ANKFN1: variants seen among roughly 807,000 people sequenced by gnomAD.
ANKFN1 encodes ankyrin repeat and fibronectin type-III domain-containing protein 1.
Under a neutral mutation model 108.7 loss-of-function variants are expected in ANKFN1, and 74 were observed. The ratio of observed to expected loss-of-function variants is 0.68; its 90% confidence interval spans 0.56 to 0.83. ANKFN1 has a LOEUF of 0.83. Ranked by LOEUF, ANKFN1 falls within the 40% of genes least tolerant of loss-of-function variation. ANKFN1 has a pLI of 0.00. For missense variants in ANKFN1, 1,505 were observed against 1,382.3 expected (o/e 1.09, Z -1.41); for synonymous variants, 547 against 516.2 (o/e 1.06, Z -0.81).
At chr17:56,475,500 T>C (rs1372149091) in intron 15 of ANKFN1, among the ~76,000 whole-genome samples, 1 of 152,208 alleles carries the variant, frequency 6.6e-6, no homozygotes, top group Non-Finnish European at 1.5e-5. Context: ...GATCCCATAC[T>C]TTTCCATTCC....
At chr17:56,198,059 T>C (rs747356814) in intron 1 of ANKFN1, among the ~76,000 whole-genome samples, 1 of 152,204 alleles carries the variant, frequency 6.6e-6, no homozygotes, top group Non-Finnish European at 1.5e-5. Flanking sequence ...GGATCTAAGT[T>C]GCACATTCCT....
At chr17:56,477,885 T>C (rs549672693) in intron 16 of ANKFN1, among the ~76,000 whole-genome samples, 5 of 152,234 alleles carry the variant, frequency 3.3e-5, no homozygotes, top group East Asian at 3.9e-4. Flanking sequence ...TGGAGTACAA[T>C]GGCGCAATAT....
At chr17:56,252,081 C>T (rs1329910276) in intron 3 of ANKFN1, 1 of 152,240 alleles carries the variant, frequency 6.6e-6, no homozygotes, top group African/African-American at 2.4e-5. Flanking sequence ...AATGGAGGAT[C>T]ATAAGCTAGC....
intron 18 of ANKFN1, among the ~76,000 whole-genome samples, chr17:56,484,727 A>G (rs1233873680): frequency 2.0e-5 from 3 of 152,224 alleles, no homozygotes; most frequent in Non-Finnish European, 2.9e-5. Context: ...TCCCAGGGAT[A>G]TATAATTGAC....
intron 4 of ANKFN1, among the ~76,000 whole-genome samples, chr17:56,078,769 G>A (rs1243211029): frequency 2.0e-5 from 3 of 152,198 alleles, no homozygotes; most frequent in African/African-American, 7.2e-5. Context: ...TCACTCAGCA[G>A]TGGTTCTCTC....
intron 4 of ANKFN1, among the ~76,000 whole-genome samples, chr17:56,111,959 A>G (rs1165324869): frequency 1.3e-5 from 2 of 152,198 alleles, no homozygotes; most frequent in African/African-American, 4.8e-5. Flanking sequence ...GTCTGAATCA[A>G]GAGTATGTTG....
intron 4 of ANKFN1, among the ~76,000 whole-genome samples, chr17:56,143,987 G>A (rs945073908): frequency 1.3e-5 from 2 of 152,008 alleles, no homozygotes; most frequent in Non-Finnish European, 2.9e-5. Flanking sequence ...CCAAGTGTGT[G>A]ATAATCTGCT....
intron 3 of ANKFN1, among the ~76,000 whole-genome samples, chr17:56,259,056 C>T (rs912631661): frequency 8.5e-5 from 13 of 152,108 alleles, no homozygotes; most frequent in Non-Finnish European, 1.5e-4. Flanking sequence ...GACACTGTGA[C>T]GTGGAGTATC....
At chr17:56,470,053 C>T (rs1358291606) in intron 15 of ANKFN1, among the ~76,000 whole-genome samples, 1 of 152,132 alleles carries the variant, frequency 6.6e-6, no homozygotes. Flanking sequence ...GTTTTCTGTT[C>T]CTGCATTAGT....
intron 3 of ANKFN1, among the ~76,000 whole-genome samples, chr17:56,282,415 A>C (rs2044108387): frequency 6.6e-6 from 1 of 152,120 alleles, no homozygotes; most frequent in South Asian, 2.1e-4. Flanking sequence ...ACATTTATCA[A>C]AACATTTGTT....
At chr17:56,148,509 C>T (rs1433512613), upstream of ANKFN1, among the ~76,000 whole-genome samples, 1 of 152,194 alleles carries the variant, frequency 6.6e-6, no homozygotes, top group African/African-American at 2.4e-5. Context: ...TGGAAGGTGA[C>T]TGCAGGTCAG....
At chr17:56,422,429 CT>C (rs562798386) in intron 8 of ANKFN1, among the ~76,000 whole-genome samples, 262 of 152,198 alleles carry the variant, frequency 1.7e-3, no homozygotes, top group African/African-American at 5.7e-3. Context: ...CCCACCCCTG[CT>C]GCCACCACAC....
At chr17:56,398,611 C>T (rs1037040572) in intron 8 of ANKFN1, among the ~76,000 whole-genome samples, 21 of 152,082 alleles carry the variant, frequency 1.4e-4, no homozygotes, top group Non-Finnish European at 2.6e-4. Flanking sequence ...TATTCAATAG[C>T]ATAGAGTTAA....
At chr17:56,271,477 A>G (rs574657254) in intron 3 of ANKFN1, among the ~76,000 whole-genome samples, 1 of 152,344 alleles carries the variant, frequency 6.6e-6, no homozygotes, top group South Asian at 2.1e-4. Flanking sequence ...TGTTTAACCC[A>G]GAGTCATACA....
chr17:56,171,314 A>G lies in ANKFN1; in HGVS notation c.-71+17784A>G, dbSNP rs142763066. On this transcript the variant is annotated intron_variant, in intron 1 of 20. Transcript: ENST00000682825. ...GGTTTTGATTCATGGCAGGGAAGGA[A>G]CAATGTACAGACGGGAATCCTGTCT... is the stretch of plus-strand genomic sequence containing the variant. Among the ~76,000 whole-genome samples, 29 of 152,244 alleles carry G rather than the reference A, an allele frequency of 1.9e-4. No homozygotes were observed. In the South Asian group the frequency reaches 5.4e-3, roughly 28 times the overall value.
chr17:56,435,208 A>C (rs2048893773), intron 8 of ANKFN1, among the ~76,000 whole-genome samples: 1 of 152,122 alleles, frequency 6.6e-6, no homozygotes, highest in South Asian at 2.1e-4. Flanking sequence ...CGTAGACTTC[A>C]AGCATTCCAA....
intron 3 of ANKFN1, among the ~76,000 whole-genome samples, chr17:56,241,931 G>A (rs981656456): frequency 6.7e-6 from 1 of 149,796 alleles, no homozygotes; most frequent in Non-Finnish European, 1.5e-5. Flanking sequence ...ATGCTGGACA[G>A]AGAGAGGATT....
chr17:56,378,742 G>A (rs2047008631), intron 8 of ANKFN1, among the ~76,000 whole-genome samples: 2 of 152,310 alleles, frequency 1.3e-5, no homozygotes, highest in South Asian at 4.1e-4. Flanking sequence ...AAACTTAGTG[G>A]ATTAACATTT....
intron 1 of ANKFN1, among the ~76,000 whole-genome samples, chr17:56,170,795 TATATATATATATAC>T (rs1334763616): frequency 1.4e-4 from 9 of 62,258 alleles, no homozygotes; most frequent in African/African-American, 4.3e-4. Context: ...TATATATATA[TATATATATATATAC>T]ACACACACAC....
Sources: allele counts gnomAD v4.1 joint callset (sites outside exome capture counted in the v4.1 genomes callset), GRCh38; gene constraint gnomAD v4.1.1; transcripts MANE v1.5; gene names NCBI Gene and HGNC (gene_info 2026-07-23, HGNC 2026-07-21).